AKAP7: variants seen among roughly 807,000 people sequenced by gnomAD.
AKAP7 encodes the protein A kinase (PRKA) anchor protein 7.
In AKAP7, 39 loss-of-function variants were observed where a neutral mutation model predicts 39.5. That is an observed-to-expected ratio of 0.99 (90% CI 0.76 to 1.29). The LOEUF is 1.29. Among genes scored for constraint, AKAP7 ranks in the 50% most tolerant of loss-of-function variants. The pLI, the probability that AKAP7 is intolerant of heterozygous loss-of-function variation, is 0.00. For missense variants in AKAP7, 414 were observed against 407.7 expected (o/e 1.02, Z -0.13); for synonymous variants, 140 against 139.1 (o/e 1.01, Z -0.05).
intron 7 of AKAP7, among the ~76,000 whole-genome samples, chr6:131,263,476 T>C (rs577751777): frequency 6.6e-4 from 100 of 152,348 alleles, no homozygotes; most frequent in Non-Finnish European, 4.7e-4. Flanking sequence ...TAAACTACAA[T>C]GTGTATGCAA....
In AKAP7 at chr6:131,255,558, A is replaced by ATAAC. The variant is rs374243054; in HGVS notation, c.851-25970_851-25967dup. 4.7e-3 allele frequency among the ~76,000 whole-genome samples: 716 copies of ATAAC among 152,332 alleles called. 10 individuals are homozygous for ATAAC. The highest frequency in any genetic ancestry group is 0.016 in the African/African-American group (683 of 41,572). Reference sequence around the variant, plus strand: ...TGTGTTTGCCCACAGGGGACACAGCATAACTCCAGTTCTGCCACTGCCTGT... The same window carrying ATAAC: ...TGTGTTTGCCCACAGGGGACACAGCATAACTAACTCCAGTTCTGCCACTGCCTGT... On this transcript the variant is annotated intron_variant, in intron 7 of 7. Coordinates refer to ENST00000431975, the MANE Select transcript of AKAP7 (RefSeq NM_016377.4).
intron 6 of AKAP7, among the ~76,000 whole-genome samples, chr6:131,206,867 A>AG (rs1808155817): frequency 6.6e-6 from 1 of 151,986 alleles, no homozygotes. Flanking sequence ...ACTGCCACTC[A>AG]CTTTTGGGGG....
intron 7 of AKAP7, among the ~76,000 whole-genome samples, chr6:131,278,517 T>G (rs974825728): frequency 1.3e-5 from 2 of 152,124 alleles, no homozygotes; most frequent in African/African-American, 2.4e-5. Context: ...ACTGGGTAAT[T>G]TATAAAGAAA....
chr6:131,160,807 T>C (rs1802870135), intron 3 of AKAP7, among the ~76,000 whole-genome samples: 1 of 152,186 alleles, frequency 6.6e-6, no homozygotes, highest in African/African-American at 2.4e-5. Flanking sequence ...TAAAAATCTA[T>C]TAAAATCTGA....
intron 6 of AKAP7, among the ~76,000 whole-genome samples, chr6:131,218,094 A>G (rs949628374): frequency 2.0e-5 from 3 of 152,192 alleles, no homozygotes; most frequent in Admixed American, 2.0e-4. Flanking sequence ...AAGCACTTTT[A>G]TAAATGGACT....
At chr6:131,203,068 A>G (rs984062638) in intron 6 of AKAP7, among the ~76,000 whole-genome samples, 3 of 152,190 alleles carry the variant, frequency 2.0e-5, no homozygotes, top group Non-Finnish European at 2.9e-5. Flanking sequence ...AGAGGAATAT[A>G]CTTAAGACCT....
intron 1 of AKAP7, among the ~76,000 whole-genome samples, chr6:131,142,955 T>C (rs886640802): frequency 6.6e-6 from 1 of 152,240 alleles, no homozygotes; most frequent in African/African-American, 2.4e-5. Flanking sequence ...CTGCTAGGTT[T>C]TGGACTTATG....
At chr6:131,183,988 C>G (rs984042495) in intron 5 of AKAP7, among the ~76,000 whole-genome samples, 10 of 152,274 alleles carry the variant, frequency 6.6e-5, no homozygotes, top group Middle Eastern at 3.4e-3. Flanking sequence ...GAGCTGCTCT[C>G]CCACTCTTTC....
intron 7 of AKAP7, chr6:131,250,204 C>T (rs1812327238): frequency 9.9e-7 from 1 of 1,005,210 alleles, no homozygotes. Context: ...TGTGGTTTTT[C>T]TCGACTACCT....
chr6:131,253,005 T>G, intron 7 of AKAP7: 1 of 1,610,586 alleles, frequency 6.2e-7, no homozygotes, highest in East Asian at 2.2e-5. Flanking sequence ...TGGTGAAAGT[T>G]TAAATTTGTG....
intron 7 of AKAP7, among the ~76,000 whole-genome samples, chr6:131,273,919 A>G (rs1219615851): frequency 1.3e-5 from 2 of 151,254 alleles, no homozygotes; most frequent in Non-Finnish European, 2.9e-5. Flanking sequence ...TTTTTGAGTA[A>G]AGAATTCTGT....
chr6:131,239,586 C>T (rs1487690148), intron 7 of AKAP7, among the ~76,000 whole-genome samples: 1 of 152,212 alleles, frequency 6.6e-6, no homozygotes, highest in Non-Finnish European at 1.5e-5. Context: ...TGCCATATTT[C>T]TTGGAGGCTT....
intron 2 of AKAP7, among the ~76,000 whole-genome samples, chr6:131,158,072 A>G (rs1584970155): frequency 6.6e-6 from 1 of 152,266 alleles, no homozygotes; most frequent in Admixed American, 6.5e-5. Flanking sequence ...TTAAAATACT[A>G]TTTGAGGCAT....
chr6:131,280,058 A>G (rs990967776), intron 7 of AKAP7, among the ~76,000 whole-genome samples: 2 of 152,226 alleles, frequency 1.3e-5, no homozygotes, highest in African/African-American at 4.8e-5. Context: ...GACATTACCA[A>G]TGAATTTACT....
chr6:131,253,207 A>G, intron 7 of AKAP7: 2 of 1,108,436 alleles, frequency 1.8e-6, no homozygotes, highest in South Asian at 1.5e-5. Context: ...TAATTGATTT[A>G]TTAGTGCTAC....
intron 7 of AKAP7, among the ~76,000 whole-genome samples, chr6:131,225,825 A>C (rs1014532646): frequency 6.6e-6 from 1 of 152,018 alleles, no homozygotes; most frequent in Non-Finnish European, 1.5e-5. Context: ...TGAAGTAGGG[A>C]TTTAGTTTTA....
chr6:131,273,413 C>G (rs1487312598), intron 7 of AKAP7, among the ~76,000 whole-genome samples: 2 of 152,130 alleles, frequency 1.3e-5, no homozygotes, highest in Non-Finnish European at 2.9e-5. Flanking sequence ...TTCTCCTCTT[C>G]TACTGCCTTA....
At chr6:131,268,564 T>G (rs1174783051) in intron 7 of AKAP7, among the ~76,000 whole-genome samples, 1 of 152,188 alleles carries the variant, frequency 6.6e-6, no homozygotes, top group East Asian at 1.9e-4. Context: ...GTGTCCTTAC[T>G]GCTTATAAAA....
At chr6:131,197,726 G>T (rs1334974472) in intron 5 of AKAP7, among the ~76,000 whole-genome samples, 1 of 152,066 alleles carries the variant, frequency 6.6e-6, no homozygotes, top group Non-Finnish European at 1.5e-5. Context: ...TTTGGATTTG[G>T]ATTTAATAGT....
Sources: gnomAD v4.1 joint callset for allele counts (sites outside exome capture counted in the v4.1 genomes callset) on GRCh38, gnomAD v4.1.1 for gene constraint, MANE v1.5 for transcripts, NCBI Gene and HGNC (gene_info 2026-07-23, HGNC 2026-07-21) for gene names.